The following FAM151B variants were observed in gnomAD, a reference collection of about 807,000 sequenced individuals.
FAM151B encodes protein FAM151B.
In FAM151B, 24 loss-of-function variants were observed where a neutral mutation model predicts 31.2. The ratio of observed to expected loss-of-function variants is 0.77; its 90% CI spans 0.56 to 1.08. The LOEUF is 1.08. FAM151B is among the 50% of genes least tolerant of loss of function. FAM151B has a pLI of 0.00. For missense variants in FAM151B, 293 were observed against 328.6 expected (o/e 0.89, Z 0.84); for synonymous variants, 105 against 111.4 (o/e 0.94, Z 0.36).
At chr5:80,520,422 A>G (rs1744647590) in intron 4 of FAM151B, among the ~76,000 whole-genome samples, 1 of 151,956 alleles carries the variant, frequency 6.6e-6, no homozygotes, top group Admixed American at 6.6e-5. Context: ...AGGTGGGCGG[A>G]TCACCTGAAG....
At chr5:80,513,567 T>C in intron 2 of FAM151B, 37 bp from the exon 3 acceptor site, 1 of 1,589,476 alleles carries the variant, frequency 6.3e-7, no homozygotes, top group Non-Finnish European at 8.5e-7. Context: ...TGTGCCCTGT[T>C]TTCTTAGCAT....
chr5:80,535,487 TG>T (rs961975719), intron 5 of FAM151B, among the ~76,000 whole-genome samples: 26 of 152,154 alleles, frequency 1.7e-4, no homozygotes, highest in Non-Finnish European at 2.9e-5. Context: ...GAACATACAC[TG>T]GGGAAATTAG....
At chr5:80,511,460 A>AT in intron 2 of FAM151B, among the ~76,000 whole-genome samples, 1 of 143,502 alleles carries the variant, frequency 7.0e-6, no homozygotes, top group South Asian at 2.2e-4. Flanking sequence ...AAAAAAAAAA[A>AT]GGAAAGAAGA....
chr5:80,490,417 A>G (rs546119545), intron 1 of FAM151B, among the ~76,000 whole-genome samples: 134 of 152,330 alleles, frequency 8.8e-4, no homozygotes, highest in African/African-American at 3.1e-3. Context: ...CTGATGTACA[A>G]TTTGCATACT....
chr5:80,513,022 T>C (rs373537992), intron 2 of FAM151B, among the ~76,000 whole-genome samples: 23 of 152,198 alleles, frequency 1.5e-4, no homozygotes, highest in African/African-American at 5.5e-4. Flanking sequence ...AGGATGTTGA[T>C]GGGAAGAGCG....
At chr5:80,529,188 A>T (rs1013376987) in intron 5 of FAM151B, among the ~76,000 whole-genome samples, 1 of 152,210 alleles carries the variant, frequency 6.6e-6, no homozygotes, top group Non-Finnish European at 1.5e-5. Flanking sequence ...TTTGAAACCA[A>T]CAAGAACAAA....
intron 5 of FAM151B, among the ~76,000 whole-genome samples, chr5:80,526,399 G>C (rs1329321227): frequency 1.3e-5 from 2 of 151,476 alleles, no homozygotes; most frequent in Non-Finnish European, 2.9e-5. Flanking sequence ...CCTGAGGTCA[G>C]GAGTTCAAGA....
At chr5:80,513,502 T>C in intron 2 of FAM151B, 102 bp from the exon 3 acceptor site, 3 of 1,186,880 alleles carry the variant, frequency 2.5e-6, no homozygotes, top group Non-Finnish European at 3.5e-6. Flanking sequence ...TACTTTTCTT[T>C]CCTTTTTTTT....
chr5:80,506,872 C>A (rs1743982577), intron 2 of FAM151B, among the ~76,000 whole-genome samples: 1 of 151,996 alleles, frequency 6.6e-6, no homozygotes, highest in African/African-American at 2.4e-5. Context: ...TGCACTAGGC[C>A]AAGCAAGGTG....
At chr5:80,494,468 C>CTTTCTTTTCT (rs1743444657) in intron 1 of FAM151B, among the ~76,000 whole-genome samples, 1 of 43,578 alleles carries the variant, frequency 2.3e-5, no homozygotes, top group African/African-American at 8.2e-5. Flanking sequence ...TTCTTTCTTT[C>CTTTCTTTTCT]TTTCTTTCTT....
At chr5:80,532,896 G>A (rs1745313606) in intron 5 of FAM151B, among the ~76,000 whole-genome samples, 2 of 152,148 alleles carry the variant, frequency 1.3e-5, no homozygotes, top group Non-Finnish European at 2.9e-5. Context: ...CTCCTGAATG[G>A]CCAGTGGGTC....
chr5:80,513,573 A>G (rs774303861), intron 2 of FAM151B, 31 bp from the exon 3 acceptor site: 14 of 1,592,916 alleles, frequency 8.8e-6, no homozygotes, highest in Non-Finnish European at 1.2e-5. Context: ...CTGTTTTCTT[A>G]GCATTAACTG....
intron 2 of FAM151B, among the ~76,000 whole-genome samples, chr5:80,508,292 G>T (rs967895486): frequency 6.6e-6 from 1 of 152,094 alleles, no homozygotes. Flanking sequence ...ATATGTCTAG[G>T]AGTAGAATTC....
intron 5 of FAM151B, among the ~76,000 whole-genome samples, chr5:80,538,934 C>T (rs1745736698): frequency 6.6e-6 from 1 of 151,434 alleles, no homozygotes; most frequent in African/African-American, 2.4e-5. Context: ...TATGGTATGT[C>T]ATACACCTTG....
At chr5:80,511,385 G>A (rs1365253715) in intron 2 of FAM151B, among the ~76,000 whole-genome samples, 5 of 142,608 alleles carry the variant, frequency 3.5e-5, no homozygotes, top group Non-Finnish European at 7.5e-5. Flanking sequence ...GAGGCAGGAG[G>A]ATCCCTGGAG....
At chr5:80,534,184 G>A (rs1467483934) in intron 5 of FAM151B, among the ~76,000 whole-genome samples, 1 of 151,978 alleles carries the variant, frequency 6.6e-6, no homozygotes, top group Non-Finnish European at 1.5e-5. Context: ...AACATTTAAA[G>A]AAGAACTAAC....
chr5:80,538,504 T>TTTTC (rs1357633475), intron 5 of FAM151B, among the ~76,000 whole-genome samples: 2 of 103,096 alleles, frequency 1.9e-5, no homozygotes, highest in South Asian at 3.4e-4. Flanking sequence ...CCTTCCTTTC[T>TTTTC]TTTCTTTCTT....
At chr5:80,512,601 C>A (rs1456739963) in intron 2 of FAM151B, among the ~76,000 whole-genome samples, 4 of 134,434 alleles carry the variant, frequency 3.0e-5, no homozygotes, top group Non-Finnish European at 6.2e-5. Context: ...ATAGTGAGAC[C>A]CTGTCTCTAC....
intron 2 of FAM151B, among the ~76,000 whole-genome samples, chr5:80,508,495 T>C (rs1056166918): frequency 6.6e-6 from 1 of 152,126 alleles, no homozygotes; most frequent in African/African-American, 2.4e-5. Flanking sequence ...TGGTATCTCA[T>C]TGTGGTGTAG....
Sources: allele counts gnomAD v4.1 joint callset (sites outside exome capture counted in the v4.1 genomes callset), GRCh38; gene constraint gnomAD v4.1.1; transcripts MANE v1.5; gene names NCBI Gene and HGNC (gene_info 2026-07-23, HGNC 2026-07-21).